Variants in PCLO observed in about 807,000 individuals in gnomAD.
The protein encoded by PCLO is piccolo presynaptic cytomatrix protein, also known as protein piccolo.
In PCLO, 82 loss-of-function variants were observed where a neutral mutation model predicts 427.5. The observed-to-expected ratio is 0.19, with a 90% CI of 0.16 to 0.23. The LOEUF is 0.23. Among genes scored for constraint, PCLO ranks in the 10% least tolerant of loss-of-function variants. The pLI, the probability that PCLO is intolerant of heterozygous loss-of-function variation, is 1.00. For synonymous variants in PCLO, 2,357 were observed against 2,155.4 expected (o/e 1.09, Z -2.59); for missense variants, 6,239 against 6,115.9 (o/e 1.02, Z -0.67).
At chr7:83,056,943 T>C (rs1420449110) in intron 3 of PCLO, among the ~76,000 whole-genome samples, 6 of 152,114 alleles carry the variant, frequency 3.9e-5, no homozygotes, top group Non-Finnish European at 8.8e-5. Context: ...TGGCTAATAT[T>C]TTATATTCAT....
At chr7:82,766,836 T>C (rs1790541277) in intron 22 of PCLO, among the ~76,000 whole-genome samples, 1 of 152,154 alleles carries the variant, frequency 6.6e-6, no homozygotes, top group African/African-American at 2.4e-5. Context: ...AATGCTTAAC[T>C]TCACAGGCTT....
chr7:82,987,429 A>C (rs1198838270), intron 3 of PCLO, among the ~76,000 whole-genome samples: 1 of 152,052 alleles, frequency 6.6e-6, no homozygotes, highest in Non-Finnish European at 1.5e-5. Flanking sequence ...ATGCAGAAAA[A>C]AATAAACAAA....
chr7:82,978,837 CACACACACACACACACACAA>C (rs1156437818), intron 3 of PCLO, among the ~76,000 whole-genome samples: 4 of 107,464 alleles, frequency 3.7e-5, no homozygotes, highest in Admixed American at 2.1e-4. Context: ...GAACAAGAAA[CACACACACACACACACACAA>C]ACACACACAC....
chr7:83,155,626 T>C lies in PCLO; in HGVS notation c.1015A>G (p.Thr339Ala), dbSNP rs768105451. Residue 339 changes from threonine to alanine, a missense_variant, in exon 2 of 25, where the codon ACA (threonine) becomes GCA (alanine). Thr to Ala is a moderately conservative substitution (Grantham distance 58, BLOSUM62 0). Transcript: ENST00000333891. ...CCTGGTTGTTGAGCCAATGGCTTTGTTAGCCCTGAGGGCTGAGCTGGGGGC... is the reference window on the plus strand; with the variant it reads ...CCTGGTTGTTGAGCCAATGGCTTTGCTAGCCCTGAGGGCTGAGCTGGGGGC... ...AKPPAQPSGL[T>A]KPLAQQPGTV... 6 of 1,610,042 alleles carry C rather than the reference T, an allele frequency of 3.7e-6. No individual in the cohort carries two copies. In the South Asian group the frequency reaches 4.4e-5, roughly 12 times the overall value.
chr7:83,107,539 TTATA>T (rs1055316084), intron 3 of PCLO, among the ~76,000 whole-genome samples: 15 of 152,040 alleles, frequency 9.9e-5, no homozygotes, highest in African/African-American at 3.6e-4. Context: ...GTATTTTGAA[TTATA>T]TATATTTAGG....
At chr7:83,051,312 G>A (rs533245677) in intron 3 of PCLO, among the ~76,000 whole-genome samples, 1 of 152,046 alleles carries the variant, frequency 6.6e-6, no homozygotes, top group Admixed American at 6.6e-5. Context: ...AGATCCCAAA[G>A]AGTCAACGAA....
intron 21 of PCLO, among the ~76,000 whole-genome samples, chr7:82,802,668 G>T (rs1013527876): frequency 6.6e-6 from 1 of 152,120 alleles, no homozygotes; most frequent in Non-Finnish European, 1.5e-5. Flanking sequence ...ACTGCACTTT[G>T]TAGACAACAC....
Position 82,853,079 on chromosome 7 carries a change from C to T in PCLO, c.13655-5832G>A, listed in dbSNP as rs144526092. 8.1e-4 allele frequency among the ~76,000 whole-genome samples: 123 copies of T among 152,158 alleles called. No individual in the cohort carries two copies. In the Middle Eastern group the frequency reaches 0.014, roughly 17 times the overall value. On this transcript the variant is annotated intron_variant, in intron 10 of 24. Coordinates refer to ENST00000333891, the MANE Select transcript of PCLO (RefSeq NM_033026.6). ...TTCCTTTTTATGGCTGAATAGAATTCCATGGTGTATACAGGTACAATCTCT... is the reference window on the plus strand; with the variant it reads ...TTCCTTTTTATGGCTGAATAGAATTTCATGGTGTATACAGGTACAATCTCT...
intron 3 of PCLO, among the ~76,000 whole-genome samples, chr7:82,971,456 C>T (rs1041601726): frequency 1.3e-5 from 2 of 149,864 alleles, no homozygotes; most frequent in African/African-American, 4.9e-5. Flanking sequence ...CTGTAATACA[C>T]ACACATAAAA....
intron 2 of PCLO, among the ~76,000 whole-genome samples, chr7:83,138,074 A>G (rs1228987658): frequency 1.3e-5 from 2 of 152,328 alleles, no homozygotes; most frequent in African/African-American, 4.8e-5. Context: ...ATAGTCTCAC[A>G]TGATCACCTC....
At chr7:83,033,685 C>T (rs918607199) in intron 3 of PCLO, among the ~76,000 whole-genome samples, 1 of 152,056 alleles carries the variant, frequency 6.6e-6, no homozygotes, top group Non-Finnish European at 1.5e-5. Flanking sequence ...ACATATATTG[C>T]AATCTTTCTT....
intron 6 of PCLO, among the ~76,000 whole-genome samples, chr7:82,947,646 T>C (rs1028508679): frequency 1.3e-5 from 2 of 152,170 alleles, no homozygotes; most frequent in African/African-American, 4.8e-5. Flanking sequence ...TATTAAAGAA[T>C]GCATTTAACT....
At chr7:82,919,938 C>A (rs149807786) in intron 6 of PCLO, among the ~76,000 whole-genome samples, 2 of 151,772 alleles carry the variant, frequency 1.3e-5, no homozygotes, top group Non-Finnish European at 2.9e-5. Flanking sequence ...CCATTAGAAC[C>A]CCACAGATTT....
intron 1 of PCLO, among the ~76,000 whole-genome samples, chr7:83,158,910 A>C (rs866485001): frequency 8.6e-5 from 13 of 152,014 alleles, no homozygotes; most frequent in Admixed American, 5.9e-4. Flanking sequence ...GCCAATACCA[A>C]ACAAAAACGT....
rs149347749 is a variant in PCLO, at chr7:82,947,060, C to T, written c.11112+2416G>A. Among the ~76,000 whole-genome samples the T allele has an allele frequency of 9.0e-4, 137 of 152,228 alleles. 1 individual carries two copies. The highest frequency in any genetic ancestry group is 3.4e-3 in the Middle Eastern group (1 of 294). On this transcript the variant is annotated intron_variant, in intron 6 of 24. Transcript: ENST00000333891. ...TATTTACAGTAAACCCTTTTCTCCC[C>T]CTCTTTGCTTTATGTCTGTTCATCA...
At chr7:82,854,172 T>G (rs62461391) in intron 10 of PCLO, among the ~76,000 whole-genome samples, 39,146 of 151,954 alleles carry the variant, frequency 0.26, 5,359 homozygotes, top group Middle Eastern at 0.31. Flanking sequence ...GCTTTGTCTT[T>G]GCTCCCCTGG....
At chr7:82,778,279 G>A (rs1790797044) in intron 22 of PCLO, among the ~76,000 whole-genome samples, 1 of 152,156 alleles carries the variant, frequency 6.6e-6, no homozygotes, top group South Asian at 2.1e-4. Flanking sequence ...ATGCTGGCAA[G>A]GTTGTGGAGA....
At chr7:83,032,602 T>C (rs969767529) in intron 3 of PCLO, among the ~76,000 whole-genome samples, 2 of 152,078 alleles carry the variant, frequency 1.3e-5, no homozygotes, top group Non-Finnish European at 2.9e-5. Flanking sequence ...GAATGCCAGA[T>C]AGAATGTTTT....
At chr7:82,817,268 A>G (rs1791695978) in intron 20 of PCLO, among the ~76,000 whole-genome samples, 1 of 152,210 alleles carries the variant, frequency 6.6e-6, no homozygotes, top group South Asian at 2.1e-4. Flanking sequence ...GCACAAACAC[A>G]TGGAAATGAG....
Sources: gnomAD v4.1 joint callset for allele counts (sites outside exome capture counted in the v4.1 genomes callset) on GRCh38, gnomAD v4.1.1 for gene constraint, MANE v1.5 for transcripts, NCBI Gene and HGNC (gene_info 2026-07-23, HGNC 2026-07-21) for gene names.